ZNF148: variants seen among roughly 807,000 people sequenced by gnomAD.
ZNF148 encodes Beta-Enolase Repressor Factor-1.
ZNF148 carries 7 observed loss-of-function variants against 67.7 expected under a neutral mutation model. That is an observed-to-expected ratio of 0.10 (90% confidence interval 0.06 to 0.19). The LOEUF is 0.19. Among genes scored for constraint, ZNF148 ranks in the 10% least tolerant of loss-of-function variants. The pLI is 1.00. For missense variants in ZNF148, 583 were observed against 947.1 expected, an observed-to-expected ratio of 0.62 and a Z score of 5.05; for synonymous variants, 333 against 330.7, an observed-to-expected ratio of 1.01 and a Z score of -0.08.
chr3:125,351,331 A>C (rs1942142575), intron 1 of ZNF148, among the ~76,000 whole-genome samples: 1 of 136,618 alleles, frequency 7.3e-6, no homozygotes, highest in African/African-American at 2.8e-5. Flanking sequence ...GCAATCTGTT[A>C]CCGTGCCACC....
In ZNF148 at chr3:125,344,337, A is replaced by G. The variant is rs779801911; in HGVS notation, c.-233-13099T>C. On this transcript the variant is annotated intron_variant, in intron 1 of 8. Transcript: ENST00000360647. ...TGAATGAAACAAATCTTGTATCAAA[A>G]GAAGAAAATCCACTTCCAAAAGATG... is the stretch of plus-strand genomic sequence containing the variant. 9 of 555,440 alleles carry G rather than the reference A, an allele frequency of 1.6e-5. No individual in the cohort carries two copies. In the East Asian group the frequency reaches 2.4e-4, roughly 15 times the overall value. The allele number at this position is 555,440 out of a possible 1,614,324, so 34.4% of individuals were successfully genotyped here. A position where few individuals can be genotyped will look rare whatever the true frequency, so the allele number is the denominator to read the frequency against.
At chr3:125,370,199 C>T (rs1942834465) in intron 1 of ZNF148, among the ~76,000 whole-genome samples, 1 of 152,142 alleles carries the variant, frequency 6.6e-6, no homozygotes, top group South Asian at 2.1e-4. Context: ...CCCTTGGTCC[C>T]ACCTCTTCCA....
At chr3:125,296,348 C>T (rs1419708097) in intron 4 of ZNF148, among the ~76,000 whole-genome samples, 1 of 152,176 alleles carries the variant, frequency 6.6e-6, no homozygotes, top group Admixed American at 6.5e-5. Flanking sequence ...GTCTCAAATT[C>T]CTGGTCTCAA....
intron 1 of ZNF148, among the ~76,000 whole-genome samples, chr3:125,355,727 A>T (rs76484981): frequency 6.5e-4 from 6 of 9,278 alleles, no homozygotes; most frequent in East Asian, 4.2e-3. Flanking sequence ...GTCTCTATTT[A>T]AAAAAAAAAA....
At chr3:125,361,206 A>G (rs147404148) in intron 1 of ZNF148, among the ~76,000 whole-genome samples, 3 of 152,076 alleles carry the variant, frequency 2.0e-5, no homozygotes, top group South Asian at 2.1e-4. Context: ...ATGACTAGCT[A>G]TATCATTCTC....
intron 3 of ZNF148, among the ~76,000 whole-genome samples, chr3:125,314,182 T>C (rs1180449124): frequency 6.6e-6 from 1 of 152,084 alleles, no homozygotes; most frequent in Non-Finnish European, 1.5e-5. Flanking sequence ...ATACATCCAA[T>C]GTTGAAGTAT....
At chr3:125,290,931 TC>T (rs1938976165) in intron 4 of ZNF148, among the ~76,000 whole-genome samples, 1 of 152,032 alleles carries the variant, frequency 6.6e-6, no homozygotes, top group African/African-American at 2.4e-5. Context: ...AGCACATATA[TC>T]CCCCCTTTTA....
intron 7 of ZNF148, among the ~76,000 whole-genome samples, chr3:125,275,229 T>C (rs1268063900): frequency 6.6e-6 from 1 of 152,224 alleles, no homozygotes; most frequent in Admixed American, 6.5e-5. Context: ...AACTTTTCTT[T>C]GTTAAGGAAC....
At chr3:125,342,000 G>GAGGT (rs1491297796) in intron 1 of ZNF148, among the ~76,000 whole-genome samples, 1 of 75,938 alleles carries the variant, frequency 1.3e-5, no homozygotes, top group South Asian at 3.8e-4. Context: ...GTTTCGGGGC[G>GAGGT]GGGGGGGGAA....
At chr3:125,349,824 G>C (rs752099581) in intron 1 of ZNF148, among the ~76,000 whole-genome samples, 1 of 152,168 alleles carries the variant, frequency 6.6e-6, no homozygotes, top group Non-Finnish European at 1.5e-5. Flanking sequence ...TCAGATGACA[G>C]AGCCAGACCC....
At position 125,288,133 on chromosome 3, in the gene ZNF148, C is replaced by T; in HGVS notation, c.429G>A (p.Lys143=). The T allele has an allele frequency of 1.9e-6, 3 of 1,613,800 alleles. No individual in the cohort carries two copies. The highest frequency in any genetic ancestry group is 2.5e-6 in the Non-Finnish European group (3 of 1,179,862). The change falls in exon 5 of 9, where the codon AAG becomes AAA. Residue 143 remains lysine (K), a synonymous_variant. Transcript: ENST00000360647. ...CGGGAGAACGTTGTTTCCGCTTCTT[C>T]TTTTTCTGTAAGTCTACTGGCTCTC... is the stretch of plus-strand genomic sequence containing the variant. ...QIREPVDLQK[K]KKRKQRSPAK... is the part of the protein sequence containing the mutation.
chr3:125,270,180 A>G (rs1937654827), intron 7 of ZNF148, among the ~76,000 whole-genome samples: 1 of 152,140 alleles, frequency 6.6e-6, no homozygotes, highest in African/African-American at 2.4e-5. Context: ...GGTAATTAAG[A>G]GTAAACTGAG....
chr3:125,322,948 C>T (rs930450173), intron 3 of ZNF148, among the ~76,000 whole-genome samples: 24 of 152,034 alleles, frequency 1.6e-4, no homozygotes, highest in African/African-American at 5.6e-4. Flanking sequence ...TAACTTTCCT[C>T]GGTATGAAAA....
chr3:125,340,284 G>A (rs554156112), intron 1 of ZNF148, among the ~76,000 whole-genome samples: 1 of 152,286 alleles, frequency 6.6e-6, no homozygotes, highest in East Asian at 1.9e-4. Context: ...TCAGGAGAAG[G>A]AGATCAACTT....
chr3:125,284,943 C>T (rs1314428481), intron 5 of ZNF148, among the ~76,000 whole-genome samples: 2 of 150,928 alleles, frequency 1.3e-5, no homozygotes, highest in African/African-American at 2.4e-5. Flanking sequence ...TCAGCTTTGC[C>T]ATATGAGAAA....
chr3:125,352,219 T>C (rs1397550076), intron 1 of ZNF148, among the ~76,000 whole-genome samples: 1 of 149,682 alleles, frequency 6.7e-6, no homozygotes, highest in Non-Finnish European at 1.5e-5. Flanking sequence ...TATTCAGCAA[T>C]AAAAAGGAAT....
chr3:125,313,371 A>G lies in ZNF148; in HGVS notation c.270T>C (p.Asp90=). The G allele has an allele frequency of 6.2e-7, 1 of 1,614,168 alleles. No homozygotes were observed. Among genetic ancestry groups the G allele is most frequent in the African/African-American group, 1.3e-5 (1 of 75,056 alleles). The change falls in exon 4 of 9, where the codon GAT becomes GAC. Residue 90 remains aspartate, a synonymous_variant. Coordinates refer to ENST00000360647, the MANE Select transcript of ZNF148 (RefSeq NM_021964.3). ...LMVHEETVKN[D]EEQMETHERL... The stretch of plus-strand genomic sequence containing the variant: ...TTTCATGTGTTTCCATCTGCTCTTC[A>G]TCATTTTTCACTGTCTCCTCATGGA...
intron 1 of ZNF148, among the ~76,000 whole-genome samples, chr3:125,334,550 TG>T (rs1429567971): frequency 6.6e-6 from 1 of 152,142 alleles, no homozygotes; most frequent in African/African-American, 2.4e-5. Flanking sequence ...ATGTAAGCAA[TG>T]AATATATGCT....
chr3:125,372,333 C>T (rs1203485215), intron 1 of ZNF148, among the ~76,000 whole-genome samples: 3 of 152,086 alleles, frequency 2.0e-5, no homozygotes, highest in Non-Finnish European at 2.9e-5. Context: ...AGAGATACAG[C>T]CTAAGATTGT....
Sources: gnomAD v4.1 joint callset for allele counts (sites outside exome capture counted in the v4.1 genomes callset) on GRCh38, gnomAD v4.1.1 for gene constraint, MANE v1.5 for transcripts, NCBI Gene and HGNC (gene_info 2026-07-23, HGNC 2026-07-21) for gene names.